The following JAM2 variants were observed in gnomAD, a reference collection of about 807,000 sequenced individuals.
JAM2 encodes the protein junctional adhesion molecule 2.
In JAM2, 17 loss-of-function variants were observed where a neutral mutation model predicts 42.0. That is an observed-to-expected ratio of 0.40 (90% CI 0.28 to 0.61). The LOEUF (loss-of-function observed/expected upper bound fraction) is 0.61, where lower values mean the gene tolerates loss of function less well. Among genes scored for constraint, JAM2 ranks in the 20% least tolerant of loss-of-function variants. The probability of loss-of-function intolerance (pLI) is 0.37; values close to 1 mark genes in which losing one functional copy is unlikely to be tolerated. For missense variants in JAM2, 319 were observed against 358.3 expected (o/e 0.89, Z 0.89); for synonymous variants, 118 against 128.6 (o/e 0.92, Z 0.56).
intron 5 of JAM2, among the ~76,000 whole-genome samples, chr21:25,699,316 A>C (rs2034108722): frequency 6.6e-6 from 1 of 152,192 alleles, no homozygotes; most frequent in Admixed American, 6.5e-5. Context: ...CTCACTTGTG[A>C]CTTAGGAAAG....
chr21:25,677,868 C>T (rs2033535297), intron 1 of JAM2, among the ~76,000 whole-genome samples: 1 of 152,146 alleles, frequency 6.6e-6, no homozygotes, highest in Non-Finnish European at 1.5e-5. Flanking sequence ...AGGAGACAAA[C>T]AGACTTTTTC....
chr21:25,640,438 T>A (rs925053557), intron 1 of JAM2, among the ~76,000 whole-genome samples: 7 of 152,224 alleles, frequency 4.6e-5, no homozygotes, highest in Admixed American at 3.3e-4. Context: ...CCTCTCCACC[T>A]GCACATCTAC....
At chr21:25,643,630 T>A (rs912973066) in intron 1 of JAM2, 1 of 152,220 alleles carries the variant, frequency 6.6e-6, no homozygotes, top group East Asian at 1.9e-4. Flanking sequence ...GAGAAGTGGT[T>A]CCGTGCTGGC....
chr21:25,714,233 G>A, intron 9 of JAM2: 1 of 1,301,148 alleles, frequency 7.7e-7, no homozygotes, highest in Non-Finnish European at 1.0e-6. Context: ...TTGGCCAGGT[G>A]CAGTGGCTCA....
At chr21:25,697,824 G>A (rs2034072115) in intron 4 of JAM2, among the ~76,000 whole-genome samples, 1 of 151,838 alleles carries the variant, frequency 6.6e-6, no homozygotes. Context: ...GGATCAATGG[G>A]TTGAGCTCGG....
chr21:25,712,130 T>G, intron 8 of JAM2: 1 of 585,554 alleles, frequency 1.7e-6, no homozygotes, highest in Non-Finnish European at 3.1e-6. Flanking sequence ...GCACAAGGCT[T>G]CACACTGATG....
intron 3 of JAM2, chr21:25,692,197 A>T (rs1482450595): frequency 6.5e-6 from 1 of 154,252 alleles, no homozygotes; most frequent in East Asian, 1.9e-4. Context: ...GCAGCTCGGA[A>T]GATAAAATAA....
chr21:25,681,033 G>T (rs993040610), intron 1 of JAM2, among the ~76,000 whole-genome samples: 1 of 152,172 alleles, frequency 6.6e-6, no homozygotes, highest in Non-Finnish European at 1.5e-5. Context: ...GGTGAAAACA[G>T]GGTCAGTAGA....
intron 2 of JAM2, among the ~76,000 whole-genome samples, chr21:25,685,667 GAGTT>G (rs142907458): frequency 0.022 from 3,286 of 152,118 alleles, 118 homozygotes; most frequent in African/African-American, 0.075. Flanking sequence ...ACTCTGGTAT[GAGTT>G]AGTTTTAAAC....
At chr21:25,667,661 C>T (rs559892974) in intron 1 of JAM2, among the ~76,000 whole-genome samples, 3 of 152,266 alleles carry the variant, frequency 2.0e-5, no homozygotes, top group Admixed American at 6.5e-5. Context: ...ACGTATCTCT[C>T]ATGAATTAGG....
chr21:25,659,979 CG>C (rs1258748720), intron 1 of JAM2, among the ~76,000 whole-genome samples: 1 of 151,336 alleles, frequency 6.6e-6, no homozygotes, highest in Non-Finnish European at 1.5e-5. Flanking sequence ...TGCAGTGGTG[CG>C]GATCTCGGCT....
chr21:25,706,818 C>A (rs1458961893), intron 7 of JAM2, among the ~76,000 whole-genome samples: 2 of 152,196 alleles, frequency 1.3e-5, no homozygotes, highest in Non-Finnish European at 2.9e-5. Context: ...CGGCTCACTG[C>A]AAGCTCCACC....
Position 25,714,791 on chromosome 21 carries a change from T to C in JAM2, c.*119T>C. 1.5e-6 allele frequency: 1 copy of C among 647,738 alleles called. No homozygotes were observed. Among genetic ancestry groups the C allele is most frequent in the Non-Finnish European group, 2.5e-6 (1 of 393,728 alleles). The allele number at this position is 647,738 out of a possible 1,614,324, so 40.1% of individuals were successfully genotyped here. On this transcript the variant is annotated 3_prime_UTR_variant, in exon 10 of 10. Coordinates refer to ENST00000480456, the MANE Select transcript of JAM2 (RefSeq NM_021219.4). ...TACACGAGGAAATGGAATTGGTATT[T>C]CATTTTAATTTTCATGACTACTAAC...
intron 1 of JAM2, among the ~76,000 whole-genome samples, chr21:25,656,574 G>T (rs1297989413): frequency 6.6e-6 from 1 of 152,192 alleles, no homozygotes. Flanking sequence ...AGAATAGCCT[G>T]GGGCCTGTGT....
intron 1 of JAM2, among the ~76,000 whole-genome samples, chr21:25,661,628 T>C (rs906006719): frequency 3.3e-5 from 5 of 151,882 alleles, no homozygotes; most frequent in African/African-American, 1.2e-4. Context: ...ATTTTATGTA[T>C]ATAAATTATA....
chr21:25,680,758 A>C (rs1761886995), intron 1 of JAM2, among the ~76,000 whole-genome samples: 1 of 151,666 alleles, frequency 6.6e-6, no homozygotes, highest in South Asian at 2.1e-4. Flanking sequence ...TTTAGTCAGA[A>C]AAGCAGTTTC....
intron 9 of JAM2, among the ~76,000 whole-genome samples, chr21:25,712,653 C>G (rs2829874): frequency 0.037 from 5,661 of 152,220 alleles, 364 homozygotes; most frequent in African/African-American, 0.13. Context: ...AGTCTGCCTT[C>G]TTAGTATCAC....
chr21:25,688,242 G>GC (rs1419826200), intron 2 of JAM2, among the ~76,000 whole-genome samples: 8 of 130,932 alleles, frequency 6.1e-5, no homozygotes, highest in African/African-American at 2.4e-4. Flanking sequence ...TCACCAGGAG[G>GC]GGTGTGTGTG....
chr21:25,695,348 A>T (rs193003946), intron 4 of JAM2, among the ~76,000 whole-genome samples: 46 of 152,388 alleles, frequency 3.0e-4, no homozygotes, highest in African/African-American at 1.1e-3. Context: ...TTCTTAGTAC[A>T]GAACAAAATG....
Sources: gnomAD v4.1 joint callset for allele counts (sites outside exome capture counted in the v4.1 genomes callset) on GRCh38, gnomAD v4.1.1 for gene constraint, MANE v1.5 for transcripts, NCBI Gene and HGNC (gene_info 2026-07-23, HGNC 2026-07-21) for gene names.